The following ARHGAP42 variants were observed in gnomAD, a reference collection of about 807,000 sequenced individuals.
The protein encoded by ARHGAP42 is Rho GTPase activating protein 42.
Under a neutral mutation model 125.0 loss-of-function variants are expected in ARHGAP42, and 63 were observed. That is an observed-to-expected ratio of 0.50 (90% confidence interval 0.41 to 0.62). The LOEUF is 0.62. Ranked by LOEUF, ARHGAP42 falls within the 20% of genes least tolerant of loss-of-function variation. The pLI is 0.00. For synonymous variants in ARHGAP42, 339 were observed against 351.0 expected (o/e 0.97, Z 0.38); for missense variants, 766 against 1,024.2 (o/e 0.75, Z 3.44).
Position 100,913,437 on chromosome 11 carries a change from A to C in ARHGAP42, c.385-15A>C. On this transcript the variant is annotated splice_polypyrimidine_tract_variant and intron_variant, in intron 4 of 23. Coordinates refer to ENST00000298815, the MANE Select transcript of ARHGAP42 (RefSeq NM_152432.4). The stretch of plus-strand genomic sequence containing the variant: ...TCTGAGTTAAATATTTTTTGTTGTT[A>C]TTGCTCTCCTTTAGGATGGAAAGAA... 8.4e-7 allele frequency: 1 copy of C among 1,193,594 alleles called. No individual in the cohort carries two copies. The highest frequency in any genetic ancestry group is 6.3e-5 in the East Asian group (1 of 15,802). The allele number at this position is 1,193,594 out of a possible 1,614,324, so 73.9% of individuals were successfully genotyped here. A position where few individuals can be genotyped will look rare whatever the true frequency, so the allele number is the denominator to read the frequency against.
At chr11:100,935,947 C>T (rs1253091085) in intron 7 of ARHGAP42, among the ~76,000 whole-genome samples, 3 of 152,030 alleles carry the variant, frequency 2.0e-5, no homozygotes, top group Non-Finnish European at 2.9e-5. Context: ...GCCTGGGAAA[C>T]ATGTAAGACC....
At chr11:100,868,762 A>G (rs1386040051) in intron 4 of ARHGAP42, among the ~76,000 whole-genome samples, 1 of 152,158 alleles carries the variant, frequency 6.6e-6, no homozygotes, top group Non-Finnish European at 1.5e-5. Context: ...TACTGCAAGT[A>G]TAAACTTGGG....
At chr11:100,822,007 T>C (rs2135077909) in intron 3 of ARHGAP42, among the ~76,000 whole-genome samples, 1 of 152,268 alleles carries the variant, frequency 6.6e-6, no homozygotes, top group South Asian at 2.1e-4. Flanking sequence ...ATGACCATCC[T>C]GTGGTCCAGA....
Position 100,953,608 on chromosome 11 carries a change from G to C in ARHGAP42, c.1162+3652G>C, listed in dbSNP as rs1377097512. 3.3e-5 allele frequency among the ~76,000 whole-genome samples: 5 copies of C among 152,236 alleles called. No homozygotes were observed. The East Asian group carries it at 9.7e-4, about 29-fold the overall frequency. On this transcript the variant is annotated intron_variant, in intron 12 of 23. Transcript: ENST00000298815. ...TGTAGTTTCATGCTACTCTTTGTGA[G>C]ACTAACATGCAAAAGTCTTCCTACC...
chr11:100,722,571 G>T (rs1168442524), intron 1 of ARHGAP42, among the ~76,000 whole-genome samples: 1 of 151,954 alleles, frequency 6.6e-6, no homozygotes, highest in African/African-American at 2.4e-5. Context: ...TGTATTTTTA[G>T]TAGAGACGGG....
At chr11:100,830,816 G>T (rs1316021908) in intron 3 of ARHGAP42, among the ~76,000 whole-genome samples, 1 of 152,088 alleles carries the variant, frequency 6.6e-6, no homozygotes, top group Non-Finnish European at 1.5e-5. Context: ...GTCAGCTCGG[G>T]CAAGGTCAAT....
intron 4 of ARHGAP42, among the ~76,000 whole-genome samples, chr11:100,888,788 C>A (rs1866154647): frequency 6.6e-6 from 1 of 152,144 alleles, no homozygotes; most frequent in South Asian, 2.1e-4. Flanking sequence ...TGGAAGGGCC[C>A]TGGTAAAGTA....
At chr11:100,948,629 T>C in intron 11 of ARHGAP42, 94 bp downstream of exon 11, 2 of 974,580 alleles carry the variant, frequency 2.1e-6, no homozygotes. Context: ...GTTTTGCCTG[T>C]AGTATAATTG....
intron 5 of ARHGAP42, among the ~76,000 whole-genome samples, chr11:100,920,584 A>C (rs544988752): frequency 4.1e-4 from 62 of 152,280 alleles, no homozygotes; most frequent in African/African-American, 1.5e-3. Flanking sequence ...AGAGGTGGGC[A>C]AGAAAAGTAA....
At position 100,725,642 on chromosome 11, in the gene ARHGAP42, A is replaced by T. The variant is rs953238714; in HGVS notation, c.154+37810A>T. Among the ~76,000 whole-genome samples, 9 of 24,442 alleles carry T rather than the reference A, an allele frequency of 3.7e-4. No individual in the cohort carries two copies. The South Asian group carries it at 6.3e-3, about 17-fold the overall frequency. 16.0% of individuals were successfully genotyped at this position (24,442 alleles called of 152,430 possible). On this transcript the variant is annotated intron_variant, in intron 1 of 23. Coordinates refer to ENST00000298815, the MANE Select transcript of ARHGAP42 (RefSeq NM_152432.4). ...TTTAAAAAAACAAAAATAATAATAA[A>T]AAAAAGCCAGGTGGCCCGGGCGCAG...
chr11:100,924,559 C>T (rs1196717262), intron 6 of ARHGAP42, among the ~76,000 whole-genome samples: 2 of 151,822 alleles, frequency 1.3e-5, no homozygotes, highest in African/African-American at 4.8e-5. Flanking sequence ...CTAAGCTACT[C>T]GGGAAGCTGA....
chr11:100,832,750 G>C (rs532026795), intron 3 of ARHGAP42, among the ~76,000 whole-genome samples: 1 of 152,288 alleles, frequency 6.6e-6, no homozygotes, highest in South Asian at 2.1e-4. Flanking sequence ...GACACACTTT[G>C]CTTGACCAGA....
intron 3 of ARHGAP42, among the ~76,000 whole-genome samples, chr11:100,815,578 A>T (rs933810721): frequency 4.6e-5 from 7 of 152,202 alleles, no homozygotes; most frequent in Non-Finnish European, 1.0e-4. Flanking sequence ...AAGAATTTTG[A>T]GTTAATGAGT....
chr11:100,976,404 G>T lies in ARHGAP42; in HGVS notation c.2203G>T (p.Ala735Ser). ...GCTTTCAGGACTGAAAAGAGCTTCTGCTTCTTCTCTCAGATCCATCTCTGC... is the reference window on the plus strand; with the variant it reads ...GCTTTCAGGACTGAAAAGAGCTTCTTCTTCTTCTCTCAGATCCATCTCTGC... ...YGLSGLKRAS[A>S]SSLRSISAAE... Residue 735 changes from alanine to serine, a missense_variant, in exon 20 of 24, where the codon GCT (alanine) becomes TCT (serine). Transcript: ENST00000298815. 1 of 1,539,806 alleles carries T rather than the reference G, an allele frequency of 6.5e-7. No homozygotes were observed. Among genetic ancestry groups the T allele is most frequent in the Non-Finnish European group, 8.7e-7 (1 of 1,143,578 alleles).
At chr11:100,800,683 G>C (rs533365551) in intron 3 of ARHGAP42, among the ~76,000 whole-genome samples, 1 of 152,228 alleles carries the variant, frequency 6.6e-6, no homozygotes, top group African/African-American at 2.4e-5. Context: ...TTTGGGGCAG[G>C]GAAGAAATTC....
chr11:100,975,970 G>A, intron 19 of ARHGAP42, 87 bp from the exon 20 acceptor site: 1 of 1,399,120 alleles, frequency 7.1e-7, no homozygotes, highest in Non-Finnish European at 9.4e-7. Flanking sequence ...AGAACACATG[G>A]TAAGTTGGAG....
At chr11:100,730,062 G>T (rs1242392753) in intron 1 of ARHGAP42, among the ~76,000 whole-genome samples, 2 of 151,960 alleles carry the variant, frequency 1.3e-5, no homozygotes, top group African/African-American at 4.8e-5. Flanking sequence ...ACCTGCCTCG[G>T]CCTCCCAAAG....
Position 100,991,463 on chromosome 11 carries a change from C to T in ARHGAP42, c.*2662C>T, listed in dbSNP as rs569860417. The T allele has an allele frequency of 6.6e-6, 1 of 152,238 alleles. No individual in the cohort carries two copies. Among genetic ancestry groups the T allele is most frequent in the Non-Finnish European group, 1.5e-5 (1 of 68,004 alleles). The allele number at this position is 152,238 out of a possible 1,614,324, so 9.4% of individuals were successfully genotyped here. ...ACATCCATATCTTCAAAACACGCAA[C>T]CTCTGCACCCTAATAACTGCTTACG... On this transcript the variant is annotated 3_prime_UTR_variant, in exon 24 of 24. Coordinates refer to ENST00000298815, the MANE Select transcript of ARHGAP42 (RefSeq NM_152432.4).
chr11:100,960,004 ACT>A (rs1857912786), intron 13 of ARHGAP42, 59 bp downstream of exon 13: 11 of 1,407,302 alleles, frequency 7.8e-6, no homozygotes, highest in Admixed American at 2.0e-5. Flanking sequence ...TACATGGAAA[ACT>A]CTCAGAGTAG....
Sources: allele counts gnomAD v4.1 joint callset (sites outside exome capture counted in the v4.1 genomes callset), GRCh38; gene constraint gnomAD v4.1.1; transcripts MANE v1.5; gene names NCBI Gene and HGNC (gene_info 2026-07-23, HGNC 2026-07-21).